Variants in ADAMTSL1 observed in about 807,000 individuals in gnomAD.
ADAMTSL1 encodes ADAMTS like 1.
In ADAMTSL1, 126 loss-of-function variants were observed where a neutral mutation model predicts 201.8. The ratio of observed to expected loss-of-function variants is 0.62; its 90% CI spans 0.54 to 0.72. The LOEUF (loss-of-function observed/expected upper bound fraction) is 0.72. ADAMTSL1 is among the 30% of genes least tolerant of loss of function. The probability of loss-of-function intolerance (pLI) is 0.00; values close to 1 mark genes in which losing one functional copy is unlikely to be tolerated. For synonymous variants in ADAMTSL1, 1,121 were observed against 903.4 expected (o/e 1.24, Z -4.32); for missense variants, 2,679 against 2,277.8 (o/e 1.18, Z -3.59).
intron 1 of ADAMTSL1, among the ~76,000 whole-genome samples, chr9:17,963,579 A>T (rs888819163): frequency 6.6e-6 from 1 of 152,196 alleles, no homozygotes; most frequent in African/African-American, 2.4e-5. Context: ...AGACTCTGAC[A>T]TCTGCATGTT....
intron 2 of ADAMTSL1, among the ~76,000 whole-genome samples, chr9:18,216,684 A>G (rs1007568340): frequency 4.0e-5 from 6 of 149,010 alleles, no homozygotes; most frequent in East Asian, 2.0e-4. Context: ...TTTCAAGATG[A>G]CAAACATTTC....
chr9:18,503,421 G>GTGTATA lies in ADAMTSL1; in HGVS notation c.64-1407_64-1406insGTATAT, dbSNP rs376466829. ...TTAAGGCTGAATAGTATTCCATTGT[G>GTGTATA]TATATATATATATATATATACCACA... On this transcript the variant is annotated intron_variant, in intron 1 of 28. Transcript: ENST00000380548. Among the ~76,000 whole-genome samples, 814 of 115,192 alleles carry GTGTATA rather than the reference G, an allele frequency of 7.1e-3. 71 individuals carry two copies. The highest frequency in any genetic ancestry group is 9.3e-3 in the Non-Finnish European group (502 of 53,732). The allele number at this position is 115,192 out of a possible 152,430, so 75.6% of individuals were successfully genotyped here.
intron 2 of ADAMTSL1, among the ~76,000 whole-genome samples, chr9:18,360,229 G>C (rs1217246879): frequency 6.6e-6 from 1 of 152,046 alleles, no homozygotes; most frequent in Non-Finnish European, 1.5e-5. Flanking sequence ...TTTAACTCCA[G>C]ATTGAGTTGA....
At chr9:17,983,829 A>G (rs200621746) in intron 1 of ADAMTSL1, among the ~76,000 whole-genome samples, 1 of 152,270 alleles carries the variant, frequency 6.6e-6, no homozygotes, top group Middle Eastern at 3.4e-3. Flanking sequence ...AATCCAGCAC[A>G]TAAACTTGTA....
chr9:18,202,567 C>T (rs1028258043), intron 2 of ADAMTSL1, among the ~76,000 whole-genome samples: 5 of 152,326 alleles, frequency 3.3e-5, no homozygotes, highest in Admixed American at 6.5e-5. Context: ...TCTCTTCCAG[C>T]CCAACCTGTA....
intron 2 of ADAMTSL1, among the ~76,000 whole-genome samples, chr9:18,509,129 AGCCGAGATTG>A (rs1425190823): frequency 1.2e-5 from 1 of 84,404 alleles, no homozygotes; most frequent in African/African-American, 5.8e-5. Flanking sequence ...GCTTGCAGTG[AGCCGAGATTG>A]CGCCACTGCA....
intron 2 of ADAMTSL1, among the ~76,000 whole-genome samples, chr9:18,296,071 T>C (rs1587493140): frequency 6.6e-6 from 1 of 152,312 alleles, no homozygotes; most frequent in African/African-American, 2.4e-5. Flanking sequence ...AACAAGCCTT[T>C]AGGCCTAACT....
At chr9:18,186,858 CACAT>C (rs1013965977) in intron 2 of ADAMTSL1, among the ~76,000 whole-genome samples, 25 of 144,930 alleles carry the variant, frequency 1.7e-4, no homozygotes, top group East Asian at 1.5e-3. Flanking sequence ...CACACACACA[CACAT>C]GCACAAACAC....
intron 1 of ADAMTSL1, among the ~76,000 whole-genome samples, chr9:18,124,324 G>GC (rs1275929411): frequency 6.6e-6 from 1 of 151,872 alleles, no homozygotes; most frequent in East Asian, 1.9e-4. Context: ...CTCGTGATCT[G>GC]CCCTCTTCAG....
chr9:18,329,607 C>T (rs548770707), intron 2 of ADAMTSL1, among the ~76,000 whole-genome samples: 26 of 152,204 alleles, frequency 1.7e-4, no homozygotes, highest in African/African-American at 5.8e-4. Context: ...TACTTAAAAC[C>T]CCTCATTCAA....
At chr9:18,200,657 C>T (rs772748435) in intron 2 of ADAMTSL1, among the ~76,000 whole-genome samples, 2 of 151,844 alleles carry the variant, frequency 1.3e-5, no homozygotes, top group East Asian at 1.9e-4. Context: ...TTTAGGGAAA[C>T]CTTGTGACGT....
At chr9:18,076,921 C>G (rs953038326) in intron 1 of ADAMTSL1, among the ~76,000 whole-genome samples, 2 of 152,064 alleles carry the variant, frequency 1.3e-5, no homozygotes, top group African/African-American at 4.8e-5. Context: ...GTAGAGATGA[C>G]AAGAAATGGA....
At chr9:18,189,776 T>TA (rs941979299) in intron 2 of ADAMTSL1, among the ~76,000 whole-genome samples, 26 of 151,974 alleles carry the variant, frequency 1.7e-4, no homozygotes, top group Admixed American at 6.6e-5. Context: ...TATGTTTTTT[T>TA]AAAAAAAACT....
intron 2 of ADAMTSL1, among the ~76,000 whole-genome samples, chr9:18,391,824 C>CTT (rs11407945): frequency 0.036 from 4,203 of 116,694 alleles, 267 homozygotes; most frequent in East Asian, 0.087. Context: ...TCTTTTCTTT[C>CTT]TTTTTTTTTT....
intron 2 of ADAMTSL1, among the ~76,000 whole-genome samples, chr9:18,204,917 G>A (rs995275522): frequency 7.2e-5 from 11 of 152,090 alleles, no homozygotes; most frequent in Non-Finnish European, 1.3e-4. Flanking sequence ...TATGGCATTC[G>A]TAGGGAGTAA....
At chr9:18,624,689 G>C (rs1337297135) in intron 5 of ADAMTSL1, among the ~76,000 whole-genome samples, 8 of 152,132 alleles carry the variant, frequency 5.3e-5, no homozygotes, top group Non-Finnish European at 4.4e-5. Context: ...CCTACTGTTA[G>C]GGAGGGATGG....
chr9:17,924,778 C>G (rs1826455980), intron 1 of ADAMTSL1, among the ~76,000 whole-genome samples: 1 of 120,436 alleles, frequency 8.3e-6, no homozygotes, highest in Non-Finnish European at 1.7e-5. Flanking sequence ...CATTACCATT[C>G]AGGACATAGG....
chr9:18,760,727 T>C (rs1820027630), intron 16 of ADAMTSL1, among the ~76,000 whole-genome samples: 1 of 151,716 alleles, frequency 6.6e-6, no homozygotes, highest in South Asian at 2.1e-4. Flanking sequence ...CCTACTCTTC[T>C]TCATGGACCC....
At chr9:18,390,802 CA>C (rs1838013912) in intron 2 of ADAMTSL1, among the ~76,000 whole-genome samples, 1 of 151,630 alleles carries the variant, frequency 6.6e-6, no homozygotes, top group African/African-American at 2.4e-5. Flanking sequence ...AAAAACAAAA[CA>C]AAACAAAAAA....
Sources: allele counts gnomAD v4.1 joint callset (sites outside exome capture counted in the v4.1 genomes callset), GRCh38; gene constraint gnomAD v4.1.1; transcripts MANE v1.5; gene names NCBI Gene and HGNC (gene_info 2026-07-23, HGNC 2026-07-21).